Variants in TRIM65 observed in about 807,000 individuals in gnomAD.
TRIM65 encodes the protein E3 ubiquitin-protein ligase TRIM65.
In TRIM65, 46 loss-of-function variants were observed where a neutral mutation model predicts 36.1. The ratio of observed to expected loss-of-function variants is 1.27; its 90% CI spans 1.01 to 1.63. The LOEUF (loss-of-function observed/expected upper bound fraction) is 1.63, where lower values mean the gene tolerates loss of function less well. TRIM65 is among the 40% of genes most tolerant of loss of function. The pLI is 0.00. For missense variants in TRIM65, 708 were observed against 696.6 expected, an observed-to-expected ratio of 1.02 and a Z score of -0.18; for synonymous variants, 346 against 313.6, an observed-to-expected ratio of 1.10 and a Z score of -1.09.
At chr17:75,896,175 C>T (rs2065343511) in intron 1 of TRIM65, among the ~76,000 whole-genome samples, 1 of 152,230 alleles carries the variant, frequency 6.6e-6, no homozygotes, top group South Asian at 2.1e-4. Flanking sequence ...CCTGCCTCAG[C>T]CTCCCGAGTA....
Position 75,892,343 on chromosome 17 carries a change from T to A in TRIM65, c.668A>T (p.His223Leu). ...GCCATGGCGAGCCACAGCCTCCAAATGGACCCGCAGCCGCTGCTCCTCGTC... is the reference window on the plus strand; with the variant it reads ...GCCATGGCGAGCCACAGCCTCCAAAAGGACCCGCAGCCGCTGCTCCTCGTC... ...ARDEEQRLRV[H>L]LEAVARHGCR... The change falls in exon 3 of 6, where the codon CAT becomes CTT. Residue 223 changes from histidine to leucine, a missense_variant. His to Leu is a moderately conservative substitution (Grantham distance 99). Coordinates refer to ENST00000269383, the MANE Select transcript of TRIM65 (RefSeq NM_173547.4). The A allele has an allele frequency of 6.2e-7, 1 of 1,613,124 alleles. No individual in the cohort carries two copies. The highest frequency in any genetic ancestry group is 8.5e-7 in the Non-Finnish European group (1 of 1,179,930).
In TRIM65 at chr17:75,892,748, C is replaced by A. The variant is rs2065290380; in HGVS notation, c.510+7G>T. On this transcript the variant is annotated splice_region_variant and intron_variant, in intron 2 of 5. Coordinates refer to ENST00000269383, the MANE Select transcript of TRIM65 (RefSeq NM_173547.4). The stretch of plus-strand genomic sequence containing the variant: ...CCATGGTGGGCGGGCAGGCACAGGC[C>A]TCGTACCTGGATCTGGCTGCTTTGC... 6.2e-7 allele frequency: 1 copy of A among 1,602,314 alleles called. No individual in the cohort carries two copies. Among genetic ancestry groups the A allele is most frequent in the Non-Finnish European group, 8.5e-7 (1 of 1,179,560 alleles).
chr17:75,881,063 T>C (rs1450566372), intron 4 of TRIM65, among the ~76,000 whole-genome samples: 1 of 149,584 alleles, frequency 6.7e-6, no homozygotes, highest in Non-Finnish European at 1.5e-5. Context: ...CTGGTTAACA[T>C]GGCGAAACCC....
Position 75,890,642 on chromosome 17 carries a change from C to T in TRIM65, c.*137G>A. The T allele has an allele frequency of 1.4e-6, 1 of 717,298 alleles. No homozygotes were observed. The highest frequency in any genetic ancestry group is 2.2e-6 in the Non-Finnish European group (1 of 463,178). 44.4% of individuals were successfully genotyped at this position (717,298 alleles called of 1,614,324 possible). A position where few individuals can be genotyped will look rare whatever the true frequency, so the allele number is the denominator to read the frequency against. On this transcript the variant is annotated 3_prime_UTR_variant, in exon 6 of 6. Transcript: ENST00000269383. Reference sequence around the variant, plus strand: ...CAGTGAACTCTGCGTTTATGCTCACCTCCCCCAACCTCCCATCTCTTTCTG... The same window carrying T: ...CAGTGAACTCTGCGTTTATGCTCACTTCCCCCAACCTCCCATCTCTTTCTG...
At chr17:75,879,942 C>CGGGGTTTCG (rs1024990758), downstream of TRIM65, among the ~76,000 whole-genome samples, 4 of 150,292 alleles carry the variant, frequency 2.7e-5, no homozygotes, top group Non-Finnish European at 5.9e-5. Context: ...TTAGTAGAGA[C>CGGGGTTTCG]GGGGTTTCAC....
chr17:75,880,321 G>C (rs1417369981), downstream of TRIM65: 1 of 145,740 alleles, frequency 6.9e-6, no homozygotes, highest in African/African-American at 2.7e-5. Flanking sequence ...CTCTGTGTCT[G>C]TGTTCAAATG....
downstream of TRIM65, among the ~76,000 whole-genome samples, chr17:75,884,487 G>A (rs2065192146): frequency 6.6e-6 from 1 of 152,142 alleles, no homozygotes; most frequent in African/African-American, 2.4e-5. Flanking sequence ...ATTTAACAAG[G>A]CTTATAACAA....
chr17:75,882,757 T>A (rs1047922528), intron 4 of TRIM65, among the ~76,000 whole-genome samples: 1 of 150,554 alleles, frequency 6.6e-6, no homozygotes, highest in African/African-American at 2.5e-5. Context: ...GGAAGCAGAA[T>A]TTAAGCTCAA....
downstream of TRIM65, among the ~76,000 whole-genome samples, chr17:75,888,170 TAAATAAATAA>T (rs2065224067): frequency 6.4e-5 from 7 of 109,612 alleles, no homozygotes; most frequent in African/African-American, 8.0e-5. Flanking sequence ...AATATATAAA[TAAATAAATAA>T]ATAAATAAAT....
chr17:75,884,849 C>T (rs955295328), downstream of TRIM65, among the ~76,000 whole-genome samples: 4 of 151,936 alleles, frequency 2.6e-5, no homozygotes, highest in African/African-American at 7.3e-5. Flanking sequence ...CACGCTGGTC[C>T]TGAACTCCTG....
chr17:75,888,168 A>T (rs8067275), downstream of TRIM65, among the ~76,000 whole-genome samples: 22,919 of 111,632 alleles, frequency 0.21, 1,962 homozygotes, highest in African/African-American at 0.36. Context: ...AAAATATATA[A>T]ATAAATAAAT....
intron 5 of TRIM65, among the ~76,000 whole-genome samples, chr17:75,891,603 A>C (rs1036946579): frequency 4.6e-5 from 7 of 152,182 alleles, no homozygotes; most frequent in Admixed American, 2.6e-4. Context: ...CCTTCAACGC[A>C]CACTGGCTGC....
intron 4 of TRIM65, 41 bp downstream of exon 4, chr17:75,891,970 T>G (rs2065274233): frequency 1.5e-5 from 24 of 1,555,598 alleles, no homozygotes; most frequent in Non-Finnish European, 2.1e-5. Context: ...GAGGGGCAGC[T>G]GGACCCAGGA....
Position 75,890,702 on chromosome 17 carries a change from C to A in TRIM65, c.*77G>T. 1 of 1,288,634 alleles carries A rather than the reference C, an allele frequency of 7.8e-7. No individual in the cohort carries two copies. 79.8% of individuals were successfully genotyped at this position (1,288,634 alleles called of 1,614,324 possible). ...AGAGGCCAACAGCTGGTCCTCCAGT[C>A]CCCAAGCTGAAGCTGGGCAGCTCTT... On this transcript the variant is annotated 3_prime_UTR_variant, in exon 6 of 6. Transcript: ENST00000269383.
intron 4 of TRIM65, among the ~76,000 whole-genome samples, chr17:75,883,120 C>CTT (rs566533056): frequency 8.8e-5 from 12 of 135,986 alleles, no homozygotes; most frequent in Non-Finnish European, 1.4e-4. Flanking sequence ...TTTCTTTATG[C>CTT]TTTTTTTTTT....
downstream of TRIM65, among the ~76,000 whole-genome samples, chr17:75,885,174 C>A (rs542648229): frequency 6.6e-6 from 1 of 151,830 alleles, no homozygotes; most frequent in East Asian, 1.9e-4. Context: ...GATCCACCTG[C>A]CTCGGCCTCC....
intron 4 of TRIM65, among the ~76,000 whole-genome samples, chr17:75,881,551 C>G (rs1240154966): frequency 1.3e-5 from 2 of 150,640 alleles, no homozygotes; most frequent in Non-Finnish European, 2.9e-5. Context: ...TTTGGGGCCC[C>G]TTGGACAAGG....
Position 75,890,475 on chromosome 17 carries a change from C to T in TRIM65, c.*304G>A, listed in dbSNP as rs141534491. Reference sequence around the variant, plus strand: ...AGGTAGATCTGAATTTTGTCACACACGCTGTCCTGTAAGCCCAGAAGTCCC... The same window carrying T: ...AGGTAGATCTGAATTTTGTCACACATGCTGTCCTGTAAGCCCAGAAGTCCC... On this transcript the variant is annotated 3_prime_UTR_variant, in exon 6 of 6. Transcript: ENST00000269383. 6 of 260,852 alleles carry T rather than the reference C, an allele frequency of 2.3e-5. No homozygotes were observed. The highest frequency in any genetic ancestry group is 3.6e-5 in the Non-Finnish European group (5 of 140,354). 16.2% of individuals were successfully genotyped at this position (260,852 alleles called of 1,614,324 possible). A position where few individuals can be genotyped will look rare whatever the true frequency, so the allele number is the denominator to read the frequency against.
downstream of TRIM65, among the ~76,000 whole-genome samples, chr17:75,885,613 C>T (rs956149666): frequency 3.3e-5 from 5 of 152,186 alleles, no homozygotes; most frequent in East Asian, 5.8e-4. Context: ...TTGAATTCCC[C>T]GTTTCCTGGA....
Sources: gnomAD v4.1 joint callset for allele counts (sites outside exome capture counted in the v4.1 genomes callset) on GRCh38, gnomAD v4.1.1 for gene constraint, MANE v1.5 for transcripts, NCBI Gene and HGNC (gene_info 2026-07-23, HGNC 2026-07-21) for gene names.